PTPRD: variants seen among roughly 807,000 people sequenced by gnomAD.
PTPRD encodes the protein protein tyrosine phosphatase receptor type D.
In PTPRD, 34 loss-of-function variants were observed where a neutral mutation model predicts 214.5. The observed-to-expected ratio is 0.16, with a 90% CI of 0.12 to 0.21. PTPRD has a LOEUF of 0.21. Among genes scored for constraint, PTPRD ranks in the 10% least tolerant of loss-of-function variants. The pLI, the probability that PTPRD is intolerant of heterozygous loss-of-function variation, is 1.00. For synonymous variants in PTPRD, 1,128 were observed against 845.7 expected (o/e 1.33, Z -5.79); for missense variants, 2,545 against 2,398.7 (o/e 1.06, Z -1.27).
chr9:9,809,708 A>G (rs935544423), intron 5 of PTPRD, among the ~76,000 whole-genome samples: 6 of 152,242 alleles, frequency 3.9e-5, no homozygotes, highest in Admixed American at 3.3e-4. Context: ...GCTAAACACT[A>G]GAAGAGAAGG....
rs118074584 is a variant in PTPRD, at chr9:8,528,089, G to A, written c.541+502C>T. On this transcript the variant is annotated intron_variant, in intron 15 of 45. Transcript: ENST00000381196. ...ATGTGCCCAGACTTACTAAACTTTG[G>A]TACTTTGATGAGTTCAAATGTAGAA... 1,928 of 215,970 alleles carry A rather than the reference G, an allele frequency of 8.9e-3. 81 individuals are homozygous for A. Among genetic ancestry groups the A allele is most frequent in the East Asian group, 0.08 (856 of 10,736 alleles). The allele number at this position is 215,970 out of a possible 1,614,324, so 13.4% of individuals were successfully genotyped here.
intron 12 of PTPRD, among the ~76,000 whole-genome samples, chr9:8,656,961 T>A (rs2096922060): frequency 6.6e-6 from 1 of 152,140 alleles, no homozygotes; most frequent in African/African-American, 2.4e-5. Context: ...CAATAGTAAG[T>A]TGTAAAGATG....
rs181758407 is a variant in PTPRD, at chr9:10,213,003, C to A, written c.-545+127960G>T. On this transcript the variant is annotated intron_variant, in intron 3 of 45. Transcript: ENST00000381196. Reference sequence around the variant, plus strand: ...TAATCTACCATTTTCTAATAGTTACCCTTGTATCATTGTTTGGCTTTTAAA... The same window carrying A: ...TAATCTACCATTTTCTAATAGTTACACTTGTATCATTGTTTGGCTTTTAAA... Among the ~76,000 whole-genome samples the A allele has an allele frequency of 2.1e-3, 319 of 152,076 alleles. 2 individuals carry two copies. The highest frequency in any genetic ancestry group is 7.5e-3 in the African/African-American group (312 of 41,490).
At chr9:10,303,149 T>A (rs1441337221) in intron 3 of PTPRD, among the ~76,000 whole-genome samples, 1 of 152,136 alleles carries the variant, frequency 6.6e-6, no homozygotes, top group Non-Finnish European at 1.5e-5. Flanking sequence ...AACAATGTGC[T>A]CCTGAATGAC....
rs117111263 is a variant in PTPRD at position 10,295,786 on chromosome 9, G to C, written c.-545+45177C>G. On this transcript the variant is annotated intron_variant, in intron 3 of 45. Coordinates refer to ENST00000381196, the MANE Select transcript of PTPRD (RefSeq NM_002839.4). The stretch of plus-strand genomic sequence containing the variant: ...GGGTGGGTCCAATCTATTCACATGA[G>C]CCTTGAAAGCAGAGAACTTTCCCTG... 3.9e-3 allele frequency among the ~76,000 whole-genome samples: 587 copies of C among 152,116 alleles called. 1 individual carries two copies. Among genetic ancestry groups the C allele is most frequent in the Non-Finnish European group, 5.9e-3 (398 of 67,978 alleles).
chr9:9,313,670 T>C (rs1385990887), intron 9 of PTPRD, among the ~76,000 whole-genome samples: 5 of 152,134 alleles, frequency 3.3e-5, no homozygotes, highest in Admixed American at 6.6e-5. Context: ...GTTTTGCTGT[T>C]GGAAGGTCAG....
intron 3 of PTPRD, among the ~76,000 whole-genome samples, chr9:10,162,652 CATATATACATGTATATGTAT>C (rs1297306661): frequency 6.8e-6 from 1 of 146,178 alleles, no homozygotes; most frequent in Non-Finnish European, 1.5e-5. Context: ...TATATATACA[CATATATACATGTATATGTAT>C]ATACATGTAT....
intron 3 of PTPRD, among the ~76,000 whole-genome samples, chr9:10,208,406 C>T (rs531623185): frequency 2.0e-5 from 3 of 152,208 alleles, no homozygotes; most frequent in African/African-American, 4.8e-5. Flanking sequence ...CCCAGCTACT[C>T]GGGAGGCTGA....
At chr9:9,952,337 A>G (rs1186784324) in intron 4 of PTPRD, among the ~76,000 whole-genome samples, 1 of 152,202 alleles carries the variant, frequency 6.6e-6, no homozygotes, top group Non-Finnish European at 1.5e-5. Context: ...TATATAAAAG[A>G]TGTAAAATGT....
chr9:9,184,671 A>T (rs1247812174), intron 9 of PTPRD, among the ~76,000 whole-genome samples: 1 of 152,100 alleles, frequency 6.6e-6, no homozygotes, highest in East Asian at 1.9e-4. Flanking sequence ...TTGGTTTATT[A>T]GATTTCCCAC....
At chr9:10,592,234 G>C (rs1348310604) in intron 2 of PTPRD, among the ~76,000 whole-genome samples, 1 of 151,990 alleles carries the variant, frequency 6.6e-6, no homozygotes, top group Non-Finnish European at 1.5e-5. Context: ...GGAGCTGTGA[G>C]CTAAGTGGGG....
chr9:10,094,007 A>G (rs2098458722), intron 3 of PTPRD, among the ~76,000 whole-genome samples: 1 of 151,360 alleles, frequency 6.6e-6, no homozygotes, highest in Non-Finnish European at 1.5e-5. Context: ...CCTGGGTGAT[A>G]GGATCATCTG....
At chr9:10,271,893 T>A (rs1408586855) in intron 3 of PTPRD, among the ~76,000 whole-genome samples, 1 of 152,134 alleles carries the variant, frequency 6.6e-6, no homozygotes, top group Non-Finnish European at 1.5e-5. Flanking sequence ...TTTTTTAAAT[T>A]TTATTTGTCT....
At chr9:9,473,345 A>T (rs1475263049) in intron 8 of PTPRD, among the ~76,000 whole-genome samples, 1 of 152,174 alleles carries the variant, frequency 6.6e-6, no homozygotes, top group Non-Finnish European at 1.5e-5. Context: ...TCCATTGTGC[A>T]TATATAACAC....
chr9:9,577,990 G>A (rs1254719792), intron 7 of PTPRD, among the ~76,000 whole-genome samples: 2 of 132,246 alleles, frequency 1.5e-5, no homozygotes, highest in East Asian at 4.9e-4. Flanking sequence ...AGGTTGCAGT[G>A]AGCCGAGATT....
At chr9:9,360,732 A>C (rs1173076687) in intron 9 of PTPRD, among the ~76,000 whole-genome samples, 1 of 151,234 alleles carries the variant, frequency 6.6e-6, no homozygotes, top group African/African-American at 2.4e-5. Flanking sequence ...TTCTATAAAT[A>C]ATGGTAAATT....
intron 9 of PTPRD, among the ~76,000 whole-genome samples, chr9:9,243,865 T>C (rs549752142): frequency 6.6e-6 from 1 of 152,276 alleles, no homozygotes; most frequent in African/African-American, 2.4e-5. Flanking sequence ...TGTTTGCAGG[T>C]GACATGATTG....
intron 20 of PTPRD, among the ~76,000 whole-genome samples, chr9:8,519,139 C>T (rs1450953250): frequency 1.3e-5 from 2 of 152,070 alleles, no homozygotes; most frequent in East Asian, 1.9e-4. Context: ...ATGCTTTATT[C>T]TTAATATTTA....
At chr9:10,322,253 T>C (rs1197920385) in intron 3 of PTPRD, among the ~76,000 whole-genome samples, 1 of 152,000 alleles carries the variant, frequency 6.6e-6, no homozygotes, top group East Asian at 1.9e-4. Flanking sequence ...CATGATAAAA[T>C]GGTGCAGTGT....
Sources: allele counts gnomAD v4.1 joint callset (sites outside exome capture counted in the v4.1 genomes callset), GRCh38; gene constraint gnomAD v4.1.1; transcripts MANE v1.5; gene names NCBI Gene and HGNC (gene_info 2026-07-23, HGNC 2026-07-21).